The following A2M variants were observed in gnomAD, a reference collection of about 807,000 sequenced individuals.
A2M encodes the protein C3 and PZP-like alpha-2-macroglobulin domain-containing protein 5.
Under a neutral mutation model 183.9 loss-of-function variants are expected in A2M, and 128 were observed. The ratio of observed to expected loss-of-function variants is 0.70; its 90% CI spans 0.60 to 0.81. A2M has a LOEUF of 0.81. Among genes scored for constraint, A2M ranks in the 30% least tolerant of loss-of-function variants. The pLI, the probability that A2M is intolerant of heterozygous loss-of-function variation, is 0.00. For missense variants in A2M, 1,495 were observed against 1,787.6 expected (o/e 0.84, Z 2.95); for synonymous variants, 592 against 670.8 (o/e 0.88, Z 1.81).
At chr12:9,100,416 C>A (rs1344626794) in intron 13 of A2M, among the ~76,000 whole-genome samples, 1 of 151,840 alleles carries the variant, frequency 6.6e-6, no homozygotes, top group African/African-American at 2.4e-5. Context: ...TTTTATTTTT[C>A]CCCCTTTGTT....
At chr12:9,111,590 G>A in intron 4 of A2M, 1 of 453,692 alleles carries the variant, frequency 2.2e-6, no homozygotes, top group Non-Finnish European at 4.4e-6. Flanking sequence ...ACAAGAACTA[G>A]GCCATAATCT....
At chr12:9,098,813 C>A in intron 14 of A2M, 57 bp from the exon 15 acceptor site, 1 of 1,580,778 alleles carries the variant, frequency 6.3e-7, no homozygotes, top group South Asian at 1.2e-5. Context: ...CCCATGCATT[C>A]ACTCGCATTT....
intron 19 of A2M, 130 bp from the exon 20 acceptor site, chr12:9,090,612 T>C: frequency 1.1e-6 from 1 of 904,550 alleles, no homozygotes; most frequent in Admixed American, 2.7e-5. Flanking sequence ...TAAATGAAGA[T>C]CAAGTACCTG....
chr12:9,092,054 G>A (rs1321546166), intron 18 of A2M, among the ~76,000 whole-genome samples: 2 of 152,132 alleles, frequency 1.3e-5, no homozygotes, highest in Non-Finnish European at 1.5e-5. Flanking sequence ...GAAGGGCTTC[G>A]TCTACCCACT....
At position 9,112,503 on chromosome 12, in the gene A2M, A is replaced by G. The variant is rs114851022; in HGVS notation, c.304T>C (p.Phe102Leu). The G allele has an allele frequency of 5.2e-4, 847 of 1,613,762 alleles. 6 individuals carry two copies. In the African/African-American group the frequency reaches 1.0e-2, roughly 19 times the overall value. The part of the protein sequence containing the change: ...PKSSSNEEVM[F>L]LTVQVKGPTQ... ...GGTCCTTTCACTTGGACAGTGAGGAACATTACCTCCTCATTGGATGAAGAC... is the reference window on the plus strand; with the variant it reads ...GGTCCTTTCACTTGGACAGTGAGGAGCATTACCTCCTCATTGGATGAAGAC... Residue 102 changes from phenylalanine (F) to leucine (L), a missense_variant, in exon 3 of 36, where the codon TTC becomes CTC. Physicochemically the swap from Phe to Leu is conservative, Grantham distance 22 (BLOSUM62 0). Transcript: ENST00000318602.
chr12:9,090,310 A>G (rs1949170487), intron 20 of A2M, 46 bp downstream of exon 20: 1 of 1,613,192 alleles, frequency 6.2e-7, no homozygotes, highest in Non-Finnish European at 8.5e-7. Flanking sequence ...CCACTGCCAT[A>G]TACAATCTTT....
Position 9,090,564 on chromosome 12 carries a change from T to C in A2M, c.2470-82A>G, listed in dbSNP as rs758896743. On this transcript the variant is annotated intron_variant, in intron 19 of 35. Transcript: ENST00000318602. ...GTTTGAAGTAAAGCATCTTGAGGAA[T>C]TGGTTAGATTTCAGGTTGCCTCACA... 2.4e-5 allele frequency: 35 copies of C among 1,473,940 alleles called. No homozygotes were observed. The South Asian group carries it at 4.3e-4, about 18-fold the overall frequency. 91.3% of individuals were successfully genotyped at this position (1,473,940 alleles called of 1,614,324 possible). A position where few individuals can be genotyped will look rare whatever the true frequency, so the allele number is the denominator to read the frequency against.
rs77074477 is a variant in A2M at position 9,113,658 on chromosome 12, T to C, written c.87-115A>G. The C allele has an allele frequency of 7.4e-4, 769 of 1,046,064 alleles. 3 individuals carry two copies. The African/African-American group carries it at 0.011, about 15-fold the overall frequency. The allele number at this position is 1,046,064 out of a possible 1,614,324, so 64.8% of individuals were successfully genotyped here. ...ATCAGTTCTACACCAAGAGAAGATG[T>C]ACTGATGAGCATGAAATTTGGCCGT... On this transcript the variant is annotated intron_variant, in intron 1 of 35. Transcript: ENST00000318602.
chr12:9,114,811 T>G (rs1191275422), intron 1 of A2M, among the ~76,000 whole-genome samples: 1 of 152,108 alleles, frequency 6.6e-6, no homozygotes, highest in Non-Finnish European at 1.5e-5. Context: ...AACCATAAAT[T>G]TATAAATATT....
At position 9,070,541 on chromosome 12, in the gene A2M, C is replaced by A. The variant is rs753465099; in HGVS notation, c.4141G>T (p.Val1381Phe). 4.3e-6 allele frequency: 7 copies of A among 1,613,722 alleles called. No individual in the cohort carries two copies. The highest frequency in any genetic ancestry group is 5.9e-6 in the Non-Finnish European group (7 of 1,179,830). ...GSRSASNMAI[V>F]DVKMVSGFIP... Reference sequence around the variant, plus strand: ...AAGCCAGAGACCATCTTCACATCAACGATCGCCATGTTGGAGGCAGAGCGG... The same window carrying A: ...AAGCCAGAGACCATCTTCACATCAAAGATCGCCATGTTGGAGGCAGAGCGG... The change falls in exon 32 of 36, where the codon GTT becomes TTT. Residue 1381 changes from valine to phenylalanine, a missense_variant. Val to Phe is a conservative substitution (Grantham distance 50). Transcript: ENST00000318602.
intron 1 of A2M, among the ~76,000 whole-genome samples, chr12:9,114,709 A>G (rs1239548232): frequency 7.3e-6 from 1 of 137,066 alleles, no homozygotes; most frequent in African/African-American, 3.0e-5. Flanking sequence ...GTTCACATAT[A>G]TACATATATG....
intron 31 of A2M, among the ~76,000 whole-genome samples, chr12:9,071,717 G>A (rs969592985): frequency 6.6e-6 from 1 of 152,132 alleles, no homozygotes; most frequent in Admixed American, 6.5e-5. Flanking sequence ...TCCTGTGCTA[G>A]TTTGCCAAGG....
At chr12:9,109,426 A>G (rs1248838564) in intron 6 of A2M, 21 bp from the exon 7 acceptor site, 1 of 1,592,794 alleles carries the variant, frequency 6.3e-7, no homozygotes, top group Admixed American at 1.7e-5. Context: ...GTGATAAAGA[A>G]GGTTGGTGAT....
intron 27 of A2M, 24 bp downstream of exon 27, chr12:9,077,322 G>T (rs753840122): frequency 1.0e-5 from 16 of 1,599,076 alleles, no homozygotes; most frequent in Non-Finnish European, 1.4e-5. Flanking sequence ...CTCTCCTTCA[G>T]CAGAGGAATG....
intron 10 of A2M, 54 bp downstream of exon 10, chr12:9,106,182 G>T (rs1938266977): frequency 2.9e-6 from 3 of 1,033,716 alleles, no homozygotes; most frequent in Non-Finnish European, 4.5e-6. Flanking sequence ...CATAACTATT[G>T]TGCTAATTAG....
chr12:9,087,054 GAAAT>G (rs1338874738), intron 22 of A2M, among the ~76,000 whole-genome samples: 1 of 151,926 alleles, frequency 6.6e-6, no homozygotes, highest in Non-Finnish European at 1.5e-5. Flanking sequence ...ACAATATGTA[GAAAT>G]AAATCTAATC....
chr12:9,095,172 A>G (rs1325722657), intron 16 of A2M, 88 bp from the exon 17 acceptor site: 1 of 669,740 alleles, frequency 1.5e-6, no homozygotes, highest in Non-Finnish European at 2.4e-6. Flanking sequence ...TTGACAAGCA[A>G]TCCAGTTAAC....
intron 33 of A2M, 105 bp from the exon 34 acceptor site, chr12:9,068,947 A>G: frequency 1.4e-6 from 1 of 716,662 alleles, no homozygotes; most frequent in Non-Finnish European, 2.3e-6. Flanking sequence ...TTATTATCCT[A>G]CAGCACACTA....
chr12:9,098,846 T>G, intron 14 of A2M, 90 bp from the exon 15 acceptor site: 2 of 1,438,844 alleles, frequency 1.4e-6, no homozygotes, highest in South Asian at 2.7e-5. Context: ...TCATGTACAA[T>G]GTATAACCAC....
Sources: allele counts gnomAD v4.1 joint callset (sites outside exome capture counted in the v4.1 genomes callset), GRCh38; gene constraint gnomAD v4.1.1; transcripts MANE v1.5; gene names NCBI Gene and HGNC (gene_info 2026-07-23, HGNC 2026-07-21).